Variants in MIPEP observed in about 807,000 individuals in gnomAD.
MIPEP encodes the protein mitochondrial intermediate peptidase.
MIPEP carries 79 observed loss-of-function variants against 90.3 expected under a neutral mutation model. That is an observed-to-expected ratio of 0.87 (90% CI 0.73 to 1.05). The LOEUF is 1.05. Ranked by LOEUF, MIPEP falls within the 50% of genes least tolerant of loss-of-function variation. The probability of loss-of-function intolerance (pLI) is 0.00; values close to 1 mark genes in which losing one functional copy is unlikely to be tolerated. For synonymous variants in MIPEP, 334 were observed against 315.8 expected (o/e 1.06, Z -0.61); for missense variants, 940 against 905.6 (o/e 1.04, Z -0.49).
Position 23,760,227 on chromosome 13 carries a change from A to C in MIPEP, c.1849-10T>G. The C allele has an allele frequency of 6.2e-7, 1 of 1,613,954 alleles. No homozygotes were observed. The highest frequency in any genetic ancestry group is 8.5e-7 in the Non-Finnish European group (1 of 1,179,930). On this transcript the variant is annotated splice_polypyrimidine_tract_variant and intron_variant, in intron 16 of 18. Coordinates refer to ENST00000382172, the MANE Select transcript of MIPEP (RefSeq NM_005932.4). Reference sequence around the variant, plus strand: ...ATCGCAGCTGCCAGGCCTGCCAAGAACAGAGAGACACAGCACGGGACACAA... The same window carrying C: ...ATCGCAGCTGCCAGGCCTGCCAAGACCAGAGAGACACAGCACGGGACACAA...
intron 10 of MIPEP, among the ~76,000 whole-genome samples, chr13:23,852,485 AGAT>A (rs988186312): frequency 1.3e-5 from 2 of 152,196 alleles, no homozygotes; most frequent in African/African-American, 2.4e-5. Context: ...TGGTCCCTTG[AGAT>A]GATAATGGAA....
At chr13:23,872,791 CA>C (rs1646051301) in intron 5 of MIPEP, among the ~76,000 whole-genome samples, 1 of 151,720 alleles carries the variant, frequency 6.6e-6, no homozygotes, top group South Asian at 2.1e-4. Flanking sequence ...TACTATTTGT[CA>C]GCAAAATTTC....
intron 18 of MIPEP, among the ~76,000 whole-genome samples, chr13:23,744,966 A>C (rs1377231008): frequency 6.6e-6 from 1 of 152,206 alleles, no homozygotes; most frequent in East Asian, 1.9e-4. Flanking sequence ...AATTTTGTTA[A>C]AGCTCAGTTT....
At chr13:23,835,337 T>C (rs1171503616) in intron 14 of MIPEP, among the ~76,000 whole-genome samples, 4 of 151,692 alleles carry the variant, frequency 2.6e-5, no homozygotes, top group Non-Finnish European at 5.9e-5. Context: ...CAGATTATTC[T>C]ACAGATAAAA....
chr13:23,809,810 A>G (rs777695380), intron 15 of MIPEP, 40 bp downstream of exon 15: 38 of 1,255,320 alleles, frequency 3.0e-5, no homozygotes, highest in Middle Eastern at 1.9e-4. Context: ...TATTTGGGAT[A>G]ATGACTCCGG....
chr13:23,806,365 TG>T (rs1953106948), intron 15 of MIPEP, among the ~76,000 whole-genome samples: 1 of 152,094 alleles, frequency 6.6e-6, no homozygotes, highest in African/African-American at 2.4e-5. Context: ...GACACAAAAC[TG>T]GAATTTTGCC....
At chr13:23,749,021 T>A (rs1270714198) in intron 18 of MIPEP, among the ~76,000 whole-genome samples, 1 of 152,250 alleles carries the variant, frequency 6.6e-6, no homozygotes, top group African/African-American at 2.4e-5. Flanking sequence ...TGCCACACAA[T>A]GCCAATATTT....
intron 8 of MIPEP, 78 bp downstream of exon 8, chr13:23,864,063 T>C (rs1246641630): frequency 2.3e-6 from 2 of 856,226 alleles, no homozygotes; most frequent in East Asian, 5.5e-5. Flanking sequence ...CACTTCCTAA[T>C]TTTTTATAAA....
At chr13:23,863,753 C>T (rs1825227701) in intron 8 of MIPEP, among the ~76,000 whole-genome samples, 2 of 152,180 alleles carry the variant, frequency 1.3e-5, no homozygotes, top group South Asian at 4.1e-4. Flanking sequence ...AAATACTACA[C>T]AAAATTAAAA....
intron 15 of MIPEP, among the ~76,000 whole-genome samples, chr13:23,808,646 T>C (rs535686579): frequency 2.6e-5 from 4 of 152,212 alleles, no homozygotes; most frequent in Non-Finnish European, 5.9e-5. Context: ...AACAGACTTT[T>C]AAAAGCCAGG....
At chr13:23,867,946 T>TA (rs1212230511) in intron 7 of MIPEP, among the ~76,000 whole-genome samples, 3 of 146,952 alleles carry the variant, frequency 2.0e-5, no homozygotes, top group Admixed American at 6.7e-5. Context: ...TATATAAATA[T>TA]AAAATAAAAA....
intron 16 of MIPEP, among the ~76,000 whole-genome samples, chr13:23,784,436 T>C (rs1261798196): frequency 6.6e-6 from 1 of 152,346 alleles, no homozygotes; most frequent in Non-Finnish European, 1.5e-5. Flanking sequence ...GCTAGCCATA[T>C]GTAGAAAGCT....
At chr13:23,732,149 C>T (rs1207156783) in intron 18 of MIPEP, among the ~76,000 whole-genome samples, 1 of 151,652 alleles carries the variant, frequency 6.6e-6, no homozygotes, top group African/African-American at 2.4e-5. Context: ...CCACCATGCC[C>T]AGCTAGTTTT....
intron 12 of MIPEP, 77 bp downstream of exon 12, chr13:23,839,572 A>T: frequency 2.2e-6 from 2 of 918,546 alleles, no homozygotes; most frequent in Non-Finnish European, 1.6e-6. Context: ...GAATTTAAAA[A>T]ATGATACAAA....
chr13:23,771,364 C>T (rs778461890), intron 16 of MIPEP, among the ~76,000 whole-genome samples: 2 of 152,136 alleles, frequency 1.3e-5, no homozygotes, highest in African/African-American at 2.4e-5. Flanking sequence ...TAAATATTTA[C>T]ACAAACAATG....
chr13:23,862,246 T>C lies in MIPEP; in HGVS notation c.1053+56A>G, dbSNP rs1177318858. On this transcript the variant is annotated intron_variant, in intron 9 of 18. Transcript: ENST00000382172. ...AAGAAAGTTCCTGAATCAAAAGATA[T>C]TGATTTCAGTTGACAGACTGTCTAT... 1.2e-5 allele frequency: 13 copies of C among 1,055,238 alleles called. No individual in the cohort carries two copies. The South Asian group carries it at 1.4e-4, about 12-fold the overall frequency. 65.4% of individuals were successfully genotyped at this position (1,055,238 alleles called of 1,614,324 possible). A position where few individuals can be genotyped will look rare whatever the true frequency, so the allele number is the denominator to read the frequency against.
chr13:23,760,170 A>G lies in MIPEP; in HGVS notation c.1896T>C (p.Tyr632=), dbSNP rs77219429. 1.1e-5 allele frequency: 18 copies of G among 1,614,090 alleles called. No individual in the cohort carries two copies. In the African/African-American group the frequency reaches 2.1e-4, roughly 19 times the overall value. The change falls in exon 17 of 19, where the codon TAT becomes TAC. Residue 632 remains tyrosine (Y), a synonymous_variant. Transcript: ENST00000382172. ...CCGCTCTGGACATGAGGTAAGAGTA[A>G]TATCTAGCACCATACCCCACGAGGT... ...FSHLVGYGAR[Y]YSYLMSRAVA...
intron 18 of MIPEP, among the ~76,000 whole-genome samples, chr13:23,746,570 G>C (rs963263155): frequency 6.8e-6 from 1 of 146,992 alleles, no homozygotes; most frequent in African/African-American, 2.5e-5. Flanking sequence ...GGAGGCAGAG[G>C]TTGTAGTGAG....
chr13:23,743,949 A>T (rs1293718145), intron 18 of MIPEP, among the ~76,000 whole-genome samples: 1 of 152,204 alleles, frequency 6.6e-6, no homozygotes, highest in Non-Finnish European at 1.5e-5. Flanking sequence ...AAGATTAGGG[A>T]TTCTATTTAC....
Sources: gnomAD v4.1 joint callset for allele counts (sites outside exome capture counted in the v4.1 genomes callset) on GRCh38, gnomAD v4.1.1 for gene constraint, MANE v1.5 for transcripts, NCBI Gene and HGNC (gene_info 2026-07-23, HGNC 2026-07-21) for gene names.